The following ANTXR2 variants were observed in gnomAD, a reference collection of about 807,000 sequenced individuals.
The protein encoded by ANTXR2 is anthrax toxin receptor 2.
In ANTXR2, 44 loss-of-function variants were observed where a neutral mutation model predicts 73.7. The ratio of observed to expected loss-of-function variants is 0.60; its 90% CI spans 0.47 to 0.77. The LOEUF (loss-of-function observed/expected upper bound fraction) is 0.77. ANTXR2 is among the 30% of genes least tolerant of loss of function. The pLI, the probability that ANTXR2 is intolerant of heterozygous loss-of-function variation, is 0.00. For missense variants in ANTXR2, 604 were observed against 592.5 expected, an observed-to-expected ratio of 1.02 and a Z score of -0.20; for synonymous variants, 217 against 205.9, an observed-to-expected ratio of 1.05 and a Z score of -0.46.
rs1363181707 is a variant in ANTXR2 at position 80,031,655 on chromosome 4, A to T, written c.834T>A (p.Leu278=). The change falls in exon 10 of 17, where the codon CTT becomes CTA. Residue 278 remains leucine, a synonymous_variant. Transcript: ENST00000403729. ...CTTTATTCAGGATAGGTGCAGGACA[A>T]AGCATAGAATTAAGCTGTACACTTA... is the stretch of plus-strand genomic sequence containing the variant. ...KPVSVQLNSM[L]CPAPILNKAG... is the part of the protein sequence containing the mutation. 1.3e-6 allele frequency: 2 copies of T among 1,533,042 alleles called. No individual in the cohort carries two copies. Among genetic ancestry groups the T allele is most frequent in the Admixed American group, 4.4e-5 (2 of 44,960 alleles). The allele number at this position is 1,533,042 out of a possible 1,614,324, so 95.0% of individuals were successfully genotyped here.
At chr4:80,020,512 G>A (rs1365523606) in intron 10 of ANTXR2, among the ~76,000 whole-genome samples, 1 of 152,172 alleles carries the variant, frequency 6.6e-6, no homozygotes, top group Admixed American at 6.5e-5. Flanking sequence ...GGCATTTTAT[G>A]GGCATTATCT....
intron 12 of ANTXR2, among the ~76,000 whole-genome samples, chr4:80,008,058 A>G (rs1731391802): frequency 6.6e-6 from 1 of 152,190 alleles, no homozygotes. Flanking sequence ...ATATGCTGAC[A>G]ATTGTGCATG....
intron 3 of ANTXR2, among the ~76,000 whole-genome samples, chr4:80,066,607 C>T (rs1734507523): frequency 6.6e-6 from 1 of 152,162 alleles, no homozygotes; most frequent in African/African-American, 2.4e-5. Context: ...TACTGCCTAG[C>T]TCCAGATGAT....
intron 10 of ANTXR2, among the ~76,000 whole-genome samples, chr4:80,026,386 T>C (rs914932554): frequency 1.3e-5 from 2 of 152,192 alleles, no homozygotes. Context: ...GTGAGTCAAT[T>C]AAACTTCTTT....
At chr4:80,048,132 A>G (rs1396366458) in intron 7 of ANTXR2, among the ~76,000 whole-genome samples, 1 of 151,456 alleles carries the variant, frequency 6.6e-6, no homozygotes, top group Non-Finnish European at 1.5e-5. Context: ...TTAATTTTTA[A>G]TGCTCCAATA....
rs1039728213 is a variant in ANTXR2, at chr4:79,904,428, A to G, written c.*3001T>C. 6.6e-6 allele frequency: 1 copy of G among 152,088 alleles called. No homozygotes were observed. The highest frequency in any genetic ancestry group is 1.5e-5 in the Non-Finnish European group (1 of 67,980). 9.4% of individuals were successfully genotyped at this position (152,088 alleles called of 1,614,324 possible). A position where few individuals can be genotyped will look rare whatever the true frequency, so the allele number is the denominator to read the frequency against. On this transcript the variant is annotated 3_prime_UTR_variant, in exon 17 of 17. Coordinates refer to ENST00000403729, the MANE Select transcript of ANTXR2 (RefSeq NM_058172.6). Reference sequence around the variant, plus strand: ...GGTCTCAAATTTTACTCTGCATCTCATTGGGAAGGAAATATAAATTTTTAA... The same window carrying G: ...GGTCTCAAATTTTACTCTGCATCTCGTTGGGAAGGAAATATAAATTTTTAA...
In ANTXR2 at chr4:79,926,987, A is replaced by G. The variant is rs62298560; in HGVS notation, c.1429-19520T>C. 2.8e-4 allele frequency among the ~76,000 whole-genome samples: 30 copies of G among 107,086 alleles called. No individual in the cohort carries two copies. In the East Asian group the frequency reaches 0.016, roughly 56 times the overall value. 70.3% of individuals were successfully genotyped at this position (107,086 alleles called of 152,430 possible). A position where few individuals can be genotyped will look rare whatever the true frequency, so the allele number is the denominator to read the frequency against. Reference sequence around the variant, plus strand: ...TATATGTGTATATATACGTGTGCATATATGTGTATATATACACGTGTGCAT... The same window carrying G: ...TATATGTGTATATATACGTGTGCATGTATGTGTATATATACACGTGTGCAT... On this transcript the variant is annotated intron_variant, in intron 16 of 16. Coordinates refer to ENST00000403729, the MANE Select transcript of ANTXR2 (RefSeq NM_058172.6).
At chr4:79,987,640 AC>A (rs1356918090) in intron 12 of ANTXR2, among the ~76,000 whole-genome samples, 6 of 152,166 alleles carry the variant, frequency 3.9e-5, no homozygotes, top group Non-Finnish European at 5.9e-5. Flanking sequence ...TTTAAAATAT[AC>A]TAGAAAAGAT....
chr4:80,011,042 G>A (rs1578152481), intron 11 of ANTXR2, among the ~76,000 whole-genome samples: 1 of 152,062 alleles, frequency 6.6e-6, no homozygotes. Context: ...AGCTACTCGG[G>A]AGGCTGAGGC....
intron 12 of ANTXR2, among the ~76,000 whole-genome samples, chr4:80,005,404 C>T (rs932780451): frequency 3.9e-5 from 6 of 152,096 alleles, no homozygotes; most frequent in African/African-American, 1.4e-4. Flanking sequence ...AAGTTCATTG[C>T]TAGGAATGAC....
At chr4:79,991,766 C>T (rs1426858612) in intron 12 of ANTXR2, among the ~76,000 whole-genome samples, 2 of 151,948 alleles carry the variant, frequency 1.3e-5, no homozygotes, top group Non-Finnish European at 2.9e-5. Context: ...GAATACTAAA[C>T]AGCTATTTAA....
intron 16 of ANTXR2, among the ~76,000 whole-genome samples, chr4:79,957,524 C>G (rs1033148111): frequency 6.6e-6 from 1 of 152,024 alleles, no homozygotes; most frequent in Non-Finnish European, 1.5e-5. Context: ...TACTTTACTA[C>G]TGAAATTTAC....
chr4:80,015,712 G>C (rs1161411902), intron 11 of ANTXR2, among the ~76,000 whole-genome samples: 1 of 149,962 alleles, frequency 6.7e-6, no homozygotes, highest in Non-Finnish European at 1.5e-5. Context: ...AAAGAGAAAA[G>C]AAGAGAAGAA....
At chr4:80,073,294 T>C (rs937634001), upstream of ANTXR2, 1 of 152,354 alleles carries the variant, frequency 6.6e-6, no homozygotes, top group Non-Finnish European at 1.5e-5. Context: ...ACATGCACAC[T>C]TGTGGGTTCC....
intron 16 of ANTXR2, among the ~76,000 whole-genome samples, chr4:79,909,651 A>G (rs1212728643): frequency 6.6e-6 from 1 of 151,992 alleles, no homozygotes; most frequent in Non-Finnish European, 1.5e-5. Flanking sequence ...GCACCAAAAA[A>G]AAAAAAATAA....
At chr4:79,933,231 G>T (rs1728128013) in intron 16 of ANTXR2, among the ~76,000 whole-genome samples, 1 of 152,154 alleles carries the variant, frequency 6.6e-6, no homozygotes, top group Non-Finnish European at 1.5e-5. Flanking sequence ...AAGTAGGATA[G>T]AAATCAGTAT....
At chr4:79,964,207 G>T (rs1415083698) in intron 16 of ANTXR2, among the ~76,000 whole-genome samples, 1 of 152,184 alleles carries the variant, frequency 6.6e-6, no homozygotes, top group Non-Finnish European at 1.5e-5. Flanking sequence ...TTACAGCCAA[G>T]AAGCTCCTTG....
Position 79,977,778 on chromosome 4 carries a change from C to T in ANTXR2, c.1348-77G>A, listed in dbSNP as rs190794389. 2.1e-3 allele frequency: 2,919 copies of T among 1,397,532 alleles called. 3 individuals are homozygous for T. Among genetic ancestry groups the T allele is most frequent in the Non-Finnish European group, 2.7e-3 (2,770 of 1,031,548 alleles). 86.6% of individuals were successfully genotyped at this position (1,397,532 alleles called of 1,614,324 possible). On this transcript the variant is annotated intron_variant, in intron 15 of 16. Coordinates refer to ENST00000403729, the MANE Select transcript of ANTXR2 (RefSeq NM_058172.6). Reference sequence around the variant, plus strand: ...GTACTGAATAAATGAAGACATAAAACGAAGAAAGTAAAATCTTCTTTACCC... The same window carrying T: ...GTACTGAATAAATGAAGACATAAAATGAAGAAAGTAAAATCTTCTTTACCC...
intron 16 of ANTXR2, among the ~76,000 whole-genome samples, chr4:79,954,814 GTTAT>G (rs1218936815): frequency 6.6e-6 from 1 of 152,134 alleles, no homozygotes; most frequent in Non-Finnish European, 1.5e-5. Flanking sequence ...CTAGACAAGT[GTTAT>G]TTGTCATCTA....
Sources: allele counts gnomAD v4.1 joint callset (sites outside exome capture counted in the v4.1 genomes callset), GRCh38; gene constraint gnomAD v4.1.1; transcripts MANE v1.5; gene names NCBI Gene and HGNC (gene_info 2026-07-23, HGNC 2026-07-21).